The following DLGAP1 variants were observed in gnomAD, a reference collection of about 807,000 sequenced individuals.
DLGAP1 encodes disks large-associated protein 1.
A neutral mutation model predicts 90.8 loss-of-function variants in DLGAP1; 11 were observed. That is an observed-to-expected ratio of 0.12 (90% CI 0.08 to 0.20). The LOEUF (loss-of-function observed/expected upper bound fraction) is 0.20, where lower values mean the gene tolerates loss of function less well. DLGAP1 is among the 10% of genes least tolerant of loss of function. DLGAP1 has a pLI of 1.00. For synonymous variants in DLGAP1, 558 were observed against 540.7 expected, an observed-to-expected ratio of 1.03 and a Z score of -0.44; for missense variants, 1,050 against 1,333.8, an observed-to-expected ratio of 0.79 and a Z score of 3.31.
intron 2 of DLGAP1, among the ~76,000 whole-genome samples, chr18:4,104,516 T>C (rs950842478): frequency 1.3e-5 from 2 of 152,204 alleles, no homozygotes; most frequent in Non-Finnish European, 2.9e-5. Flanking sequence ...TCAATTTTCC[T>C]GGTTAGTTTA....
At chr18:3,932,436 C>A (rs947357681) in intron 3 of DLGAP1, among the ~76,000 whole-genome samples, 2 of 152,190 alleles carry the variant, frequency 1.3e-5, no homozygotes, top group Admixed American at 6.5e-5. Context: ...AGGACTGTGC[C>A]AGAATGAAGC....
chr18:4,453,977 C>A (rs1021911283), intron 1 of DLGAP1, among the ~76,000 whole-genome samples: 26 of 152,198 alleles, frequency 1.7e-4, no homozygotes, highest in African/African-American at 6.3e-4. Context: ...TTCCGCAGCG[C>A]TACGGTCGGG....
intron 7 of DLGAP1, among the ~76,000 whole-genome samples, chr18:3,706,086 C>G (rs1188622337): frequency 6.6e-6 from 1 of 151,074 alleles, no homozygotes; most frequent in Non-Finnish European, 1.5e-5. Flanking sequence ...CAACCTCTGC[C>G]TTGGGGTTCA....
At chr18:4,437,380 T>C (rs1489674679) in intron 1 of DLGAP1, among the ~76,000 whole-genome samples, 1 of 152,142 alleles carries the variant, frequency 6.6e-6, no homozygotes, top group Admixed American at 6.6e-5. Context: ...CATAAGGGAG[T>C]AGTTCTAGGA....
intron 4 of DLGAP1, among the ~76,000 whole-genome samples, chr18:3,850,119 C>G (rs2069251296): frequency 6.6e-6 from 1 of 151,668 alleles, no homozygotes; most frequent in African/African-American, 2.4e-5. Flanking sequence ...GTAATCCCAG[C>G]ACTTTGGGAG....
intron 1 of DLGAP1, among the ~76,000 whole-genome samples, chr18:4,301,233 A>T (rs1251389866): frequency 6.6e-6 from 1 of 152,102 alleles, no homozygotes; most frequent in African/African-American, 2.4e-5. Context: ...GAAAAACAAC[A>T]ACTCATATTC....
Position 4,366,173 on chromosome 18 carries a change from T to G in DLGAP1, c.-267+88833A>C, listed in dbSNP as rs2081761314. 2.0e-5 allele frequency among the ~76,000 whole-genome samples: 3 copies of G among 152,212 alleles called. No individual in the cohort carries two copies. In the South Asian group the frequency reaches 6.2e-4, roughly 32 times the overall value. On this transcript the variant is annotated intron_variant, in intron 1 of 12. Transcript: ENST00000315677. ...GTCAAAATTTCAATATAAAATGGAT[T>G]TACACAATCCTGAAACCCTGAAAAG...
chr18:4,312,180 T>C (rs1180737427), intron 1 of DLGAP1, among the ~76,000 whole-genome samples: 1 of 152,234 alleles, frequency 6.6e-6, no homozygotes. Context: ...AAAAATTTTC[T>C]AAGCGATAAT....
At chr18:4,206,728 A>G (rs1187846483) in intron 1 of DLGAP1, among the ~76,000 whole-genome samples, 1 of 152,178 alleles carries the variant, frequency 6.6e-6, no homozygotes, top group Non-Finnish European at 1.5e-5. Flanking sequence ...TCACAAAGAA[A>G]ATAGAGGTAC....
intron 7 of DLGAP1, among the ~76,000 whole-genome samples, chr18:3,681,713 A>G (rs1166917486): frequency 6.6e-6 from 1 of 152,148 alleles, no homozygotes; most frequent in Non-Finnish European, 1.5e-5. Flanking sequence ...CCAATGTTGA[A>G]GGTGGGGCCT....
At chr18:3,665,602 A>G (rs1424179191) in intron 7 of DLGAP1, among the ~76,000 whole-genome samples, 1 of 152,146 alleles carries the variant, frequency 6.6e-6, no homozygotes, top group African/African-American at 2.4e-5. Flanking sequence ...ACCTCGTTAT[A>G]TTTCTAATAG....
At chr18:4,023,188 A>G (rs1038214821) in intron 2 of DLGAP1, among the ~76,000 whole-genome samples, 6 of 152,190 alleles carry the variant, frequency 3.9e-5, no homozygotes, top group Non-Finnish European at 7.3e-5. Context: ...ATCTTTTAAT[A>G]TTTACTACCC....
At chr18:3,921,283 A>C (rs115108888) in intron 3 of DLGAP1, among the ~76,000 whole-genome samples, 3,283 of 152,240 alleles carry the variant, frequency 0.022, 105 homozygotes, top group African/African-American at 0.075. Flanking sequence ...GACAACTTTA[A>C]AGTCCTGTAA....
chr18:4,043,138 T>C (rs2075000336), intron 2 of DLGAP1, among the ~76,000 whole-genome samples: 1 of 152,262 alleles, frequency 6.6e-6, no homozygotes, highest in African/African-American at 2.4e-5. Flanking sequence ...TTTTCATTAC[T>C]GTAGTAATAT....
chr18:4,185,106 T>A (rs1419775681), intron 1 of DLGAP1, among the ~76,000 whole-genome samples: 1 of 152,180 alleles, frequency 6.6e-6, no homozygotes, highest in Non-Finnish European at 1.5e-5. Flanking sequence ...TGTTAAATAC[T>A]ATTTACCTTA....
intron 1 of DLGAP1, among the ~76,000 whole-genome samples, chr18:4,354,158 G>A (rs943081167): frequency 1.3e-5 from 2 of 152,144 alleles, no homozygotes; most frequent in Non-Finnish European, 1.5e-5. Context: ...CTGGCCTTCT[G>A]CCCTTCTTTC....
At chr18:3,646,970 C>T (rs1013051875) in intron 7 of DLGAP1, among the ~76,000 whole-genome samples, 9 of 151,616 alleles carry the variant, frequency 5.9e-5, no homozygotes, top group African/African-American at 7.3e-5. Context: ...GTAACATCAC[C>T]GGGTGCGGTG....
At chr18:3,767,043 G>A (rs1007870147) in intron 5 of DLGAP1, among the ~76,000 whole-genome samples, 2 of 152,018 alleles carry the variant, frequency 1.3e-5, no homozygotes, top group Non-Finnish European at 2.9e-5. Context: ...AAGAATAAAA[G>A]AGAAAAGACA....
chr18:4,202,622 T>C (rs8085113), intron 1 of DLGAP1, among the ~76,000 whole-genome samples: 1,594 of 152,258 alleles, frequency 0.01, 31 homozygotes, highest in African/African-American at 0.037. Context: ...AAAAATCAAG[T>C]ATGGATTTTG....
Sources: allele counts gnomAD v4.1 joint callset (sites outside exome capture counted in the v4.1 genomes callset), GRCh38; gene constraint gnomAD v4.1.1; transcripts MANE v1.5; gene names NCBI Gene and HGNC (gene_info 2026-07-23, HGNC 2026-07-21).